FBXW8: variants seen among roughly 807,000 people sequenced by gnomAD.
FBXW8 encodes F-box/WD repeat-containing protein 8.
In FBXW8, 57 loss-of-function variants were observed where a neutral mutation model predicts 65.3. That is an observed-to-expected ratio of 0.87 (90% CI 0.71 to 1.09). The LOEUF (loss-of-function observed/expected upper bound fraction) is 1.09, where lower values mean the gene tolerates loss of function less well. Ranked by LOEUF, FBXW8 falls within the 50% of genes least tolerant of loss-of-function variation. The pLI is 0.00. For missense variants in FBXW8, 777 were observed against 814.8 expected (o/e 0.95, Z 0.57); for synonymous variants, 308 against 330.2 (o/e 0.93, Z 0.73).
At chr12:116,963,550 G>A (rs1339102360) in intron 4 of FBXW8, among the ~76,000 whole-genome samples, 2 of 152,204 alleles carry the variant, frequency 1.3e-5, no homozygotes, top group Non-Finnish European at 1.5e-5. Context: ...GTTGCAGTGA[G>A]CCGAAATTGT....
At chr12:116,968,832 G>A (rs1383716628) in intron 5 of FBXW8, among the ~76,000 whole-genome samples, 2 of 151,954 alleles carry the variant, frequency 1.3e-5, no homozygotes, top group Admixed American at 1.3e-4. Context: ...AAAAAAATGT[G>A]TACCTGCTAC....
intron 8 of FBXW8, among the ~76,000 whole-genome samples, chr12:117,014,358 G>A (rs1274214169): frequency 2.0e-5 from 3 of 152,066 alleles, no homozygotes; most frequent in Non-Finnish European, 2.9e-5. Context: ...CCTTTACCTC[G>A]TGGAATATAG....
Position 117,028,351 on chromosome 12 carries a change from CTGGCG to C in FBXW8, c.*182_*186del. 1.3e-6 allele frequency: 1 copy of C among 749,142 alleles called. No homozygotes were observed. Among genetic ancestry groups the C allele is most frequent in the South Asian group, 1.9e-5 (1 of 53,134 alleles). 46.4% of individuals were successfully genotyped at this position (749,142 alleles called of 1,614,324 possible). ...CACTTCCCCCAGCGCCTGGGGCAAG[CTGGCG>C]TGTGCCAGGGCTCGAGTCCCACGTG... On this transcript the variant is annotated 3_prime_UTR_variant, in exon 11 of 11. Transcript: ENST00000652555. The surrounding 1 kb of genome is among the most constrained non-coding windows in gnomAD (Gnocchi z 4.1).
chr12:116,939,385 A>T (rs1882402916), intron 2 of FBXW8, among the ~76,000 whole-genome samples: 1 of 152,220 alleles, frequency 6.6e-6, no homozygotes, highest in Non-Finnish European at 1.5e-5. Context: ...TGTGCAGCAC[A>T]TGCCACTGCT....
intron 1 of FBXW8, among the ~76,000 whole-genome samples, chr12:116,917,082 C>T (rs1201645299): frequency 2.0e-5 from 3 of 152,180 alleles, no homozygotes; most frequent in Non-Finnish European, 2.9e-5. Flanking sequence ...TTGTTATTCT[C>T]ATGTGGCCAA....
intron 8 of FBXW8, among the ~76,000 whole-genome samples, chr12:117,017,468 T>C (rs1343054471): frequency 6.6e-6 from 1 of 152,216 alleles, no homozygotes; most frequent in African/African-American, 2.4e-5. Flanking sequence ...CAGTTCTACC[T>C]GAAAATACAC....
At position 116,941,945 on chromosome 12, in the gene FBXW8, A is replaced by G. The variant is rs1592865398; in HGVS notation, c.424-3419A>G. ...AAAAACTCTGCTCTGAGATAACTTC[A>G]TTTGGTGTATGTTGGTACACTTGGG... is the stretch of plus-strand genomic sequence containing the variant. On this transcript the variant is annotated intron_variant, in intron 2 of 10. Coordinates refer to ENST00000652555, the MANE Select transcript of FBXW8 (RefSeq NM_153348.3). Among the ~76,000 whole-genome samples the G allele has an allele frequency of 2.0e-5, 3 of 152,212 alleles. 1 individual carries two copies. The South Asian group carries it at 6.2e-4, about 32-fold the overall frequency.
intron 8 of FBXW8, among the ~76,000 whole-genome samples, chr12:117,014,344 T>G (rs73399498): frequency 7.9e-5 from 12 of 152,170 alleles, no homozygotes; most frequent in Admixed American, 7.2e-4. Flanking sequence ...TCCCATGCAT[T>G]TTACCTTTAC....
chr12:116,954,982 G>A (rs781052032), intron 4 of FBXW8, among the ~76,000 whole-genome samples: 7 of 147,556 alleles, frequency 4.7e-5, no homozygotes, highest in African/African-American at 9.8e-5. Flanking sequence ...TTCTTGGCTC[G>A]TCCTCTCCAG....
intron 7 of FBXW8, among the ~76,000 whole-genome samples, chr12:116,995,085 T>G (rs149012758): frequency 5.9e-5 from 9 of 152,330 alleles, no homozygotes; most frequent in African/African-American, 2.2e-4. Context: ...GCCCTTCATT[T>G]AAATTATTTT....
At chr12:116,924,302 T>C (rs1315092828) in intron 1 of FBXW8, among the ~76,000 whole-genome samples, 1 of 152,238 alleles carries the variant, frequency 6.6e-6, no homozygotes, top group African/African-American at 2.4e-5. Flanking sequence ...TATTTATTTT[T>C]AATGGACACA....
chr12:116,947,282 C>T (rs1336528754), intron 3 of FBXW8, among the ~76,000 whole-genome samples: 1 of 152,136 alleles, frequency 6.6e-6, no homozygotes, highest in Non-Finnish European at 1.5e-5. Context: ...CTGGAGCGGA[C>T]TGCAGGCTGA....
intron 1 of FBXW8, among the ~76,000 whole-genome samples, chr12:116,912,379 A>G (rs1184225933): frequency 6.6e-6 from 1 of 151,392 alleles, no homozygotes; most frequent in East Asian, 1.9e-4. Flanking sequence ...TGGTAGAGAC[A>G]AGGTCTCCCT....
At chr12:116,925,746 C>T (rs925626192) in intron 1 of FBXW8, among the ~76,000 whole-genome samples, 12 of 152,158 alleles carry the variant, frequency 7.9e-5, no homozygotes, top group African/African-American at 2.9e-4. Flanking sequence ...TGATCAAGAA[C>T]CATCATAATG....
At chr12:116,993,197 G>A (rs1021230817) in intron 7 of FBXW8, among the ~76,000 whole-genome samples, 6 of 145,412 alleles carry the variant, frequency 4.1e-5, no homozygotes, top group Non-Finnish European at 7.5e-5. Flanking sequence ...TCCACTGAGC[G>A]GGTTCAAGCA....
chr12:116,926,212 C>T (rs1354357051), intron 1 of FBXW8, among the ~76,000 whole-genome samples: 1 of 152,208 alleles, frequency 6.6e-6, no homozygotes, highest in Non-Finnish European at 1.5e-5. Flanking sequence ...TTGAAGAAAG[C>T]AATGCCTGCA....
At chr12:117,024,372 C>A (rs765178343) in intron 9 of FBXW8, 52 bp downstream of exon 9, 1 of 1,597,646 alleles carries the variant, frequency 6.3e-7, no homozygotes, top group Non-Finnish European at 8.6e-7. Flanking sequence ...ACAGGGAAGG[C>A]AGCACTAATC....
chr12:117,024,420 C>T (rs560398620), intron 9 of FBXW8, 100 bp downstream of exon 9: 12 of 1,376,548 alleles, frequency 8.7e-6, no homozygotes, highest in African/African-American at 1.4e-5. Context: ...CCCCCTACCC[C>T]CCGGCTTCGC....
chr12:117,016,310 C>T (rs1344467961), intron 8 of FBXW8, among the ~76,000 whole-genome samples: 1 of 152,172 alleles, frequency 6.6e-6, no homozygotes, highest in Non-Finnish European at 1.5e-5. Context: ...GTTTCTCCAC[C>T]TCCTCACCAA....
Sources: gnomAD v4.1 joint callset for allele counts (sites outside exome capture counted in the v4.1 genomes callset) on GRCh38, gnomAD v4.1.1 for gene constraint, Gnocchi (gnomAD v3.1) non-coding constraint, MANE v1.5 for transcripts, NCBI Gene and HGNC (gene_info 2026-07-23, HGNC 2026-07-21) for gene names.